The following MET variants were observed in gnomAD, a reference collection of about 807,000 sequenced individuals.
MET encodes the protein MET proto-oncogene, receptor tyrosine kinase.
A neutral mutation model predicts 133.1 loss-of-function variants in MET; 48 were observed. The ratio of observed to expected loss-of-function variants is 0.36; its 90% CI spans 0.29 to 0.46. The LOEUF (loss-of-function observed/expected upper bound fraction) is 0.46. MET is among the 20% of genes least tolerant of loss of function. MET has a pLI of 1.00. For missense variants in MET, 1,442 were observed against 1,695.9 expected (o/e 0.85, Z 2.63); for synonymous variants, 628 against 616.5 (o/e 1.02, Z -0.28).
At chr7:116,744,290 G>GA (rs370397027) in intron 5 of MET, among the ~76,000 whole-genome samples, 10 of 151,558 alleles carry the variant, frequency 6.6e-5, no homozygotes, top group Admixed American at 4.6e-4. Context: ...TAAGAACCTT[G>GA]AAAAAAAAGC....
intron 5 of MET, among the ~76,000 whole-genome samples, chr7:116,750,908 A>C (rs1188991544): frequency 1.3e-5 from 2 of 152,262 alleles, no homozygotes; most frequent in Non-Finnish European, 2.9e-5. Flanking sequence ...GATCATTAAA[A>C]AGTCAGGAAA....
At chr7:116,726,178 T>TATATATATATAC (rs1562900129) in intron 2 of MET, among the ~76,000 whole-genome samples, 1 of 3,592 alleles carries the variant, frequency 2.8e-4, no homozygotes, top group African/African-American at 7.5e-4. Flanking sequence ...TATATATATA[T>TATATATATATAC]GGGATATAAA....
chr7:116,777,492 A>G (rs1453963656), intron 16 of MET, 23 bp downstream of exon 16: 1 of 1,608,294 alleles, frequency 6.2e-7, no homozygotes, highest in Non-Finnish European at 8.5e-7. Context: ...TTATTTAACC[A>G]TGGAGTATAC....
intron 1 of MET, among the ~76,000 whole-genome samples, chr7:116,675,129 C>A (rs138854086): frequency 6.6e-6 from 1 of 152,236 alleles, no homozygotes; most frequent in Non-Finnish European, 1.5e-5. Context: ...GATACACTGA[C>A]TAATGTTAGT....
At chr7:116,690,986 G>C (rs1347387694) in intron 1 of MET, among the ~76,000 whole-genome samples, 1 of 152,146 alleles carries the variant, frequency 6.6e-6, no homozygotes, top group Admixed American at 6.5e-5. Flanking sequence ...TACTTTTAAA[G>C]TTAATAAACA....
intron 11 of MET, among the ~76,000 whole-genome samples, chr7:116,767,024 C>A (rs927948686): frequency 6.6e-6 from 1 of 152,066 alleles, no homozygotes; most frequent in East Asian, 1.9e-4. Flanking sequence ...GTAAATCTCA[C>A]CCCCTCACCA....
chr7:116,787,073 G>A (rs1795337184), intron 19 of MET, among the ~76,000 whole-genome samples: 1 of 152,208 alleles, frequency 6.6e-6, no homozygotes, highest in African/African-American at 2.4e-5. Flanking sequence ...ATAGGTCATG[G>A]TGGAGGACCA....
intron 1 of MET, among the ~76,000 whole-genome samples, chr7:116,676,568 A>G (rs1796166232): frequency 6.6e-6 from 1 of 152,232 alleles, no homozygotes; most frequent in Admixed American, 6.5e-5. Flanking sequence ...TCAGGTGATG[A>G]TAATAGCTTC....
At chr7:116,742,544 C>T (rs1225062422) in intron 5 of MET, among the ~76,000 whole-genome samples, 1 of 152,152 alleles carries the variant, frequency 6.6e-6, no homozygotes, top group Non-Finnish European at 1.5e-5. Flanking sequence ...AATAACCAAG[C>T]TGGTATTTTA....
In MET at chr7:116,777,449, G is replaced by C. The variant is rs2117040269; in HGVS notation, c.3320G>C (p.Cys1107Ser). The C allele has an allele frequency of 6.2e-7, 1 of 1,613,866 alleles. No homozygotes were observed. Among genetic ancestry groups the C allele is most frequent in the Non-Finnish European group, 8.5e-7 (1 of 1,179,848 alleles). Residue 1107 changes from cysteine (C) to serine (S), a missense_variant, in exon 16 of 21, where the codon TGT becomes TCT. By Grantham distance (112) the Cys-to-Ser change is moderately radical. Coordinates refer to ENST00000397752, the MANE Select transcript of MET (RefSeq NM_000245.4). ...GACAATGATGGCAAGAAAATTCACT[G>C]TGCTGTGAAATCCTTGAACAGTAAG... ...LLDNDGKKIH[C>S]AVKSLNRITD...
intron 1 of MET, among the ~76,000 whole-genome samples, chr7:116,698,038 T>C (rs192447663): frequency 1.3e-5 from 2 of 152,198 alleles, no homozygotes; most frequent in Admixed American, 1.3e-4. Flanking sequence ...TGATGCCTAG[T>C]ATGTTTTTAG....
intron 2 of MET, among the ~76,000 whole-genome samples, chr7:116,722,329 G>C (rs910305969): frequency 6.6e-6 from 1 of 151,040 alleles, no homozygotes; most frequent in Admixed American, 6.6e-5. Flanking sequence ...TTTTCCATTT[G>C]CTTGGTAGCT....
At chr7:116,769,611 T>C (rs763901969) in intron 11 of MET, 34 bp from the exon 12 acceptor site, 2 of 1,602,880 alleles carry the variant, frequency 1.2e-6, no homozygotes, top group East Asian at 2.2e-5. Context: ...AACTGTGAAG[T>C]GTTAACAACC....
intron 12 of MET, 151 bp downstream of exon 12, chr7:116,769,942 G>C: frequency 8.4e-7 from 1 of 1,188,570 alleles, no homozygotes; most frequent in Non-Finnish European, 1.2e-6. Context: ...TTTAGAAATA[G>C]TGAGCTTTTT....
At position 116,758,444 on chromosome 7, in the gene MET, A is replaced by T. The variant is rs1471890312; in HGVS notation, c.2103-15A>T. On this transcript the variant is annotated splice_polypyrimidine_tract_variant and intron_variant, in intron 8 of 20. Coordinates refer to ENST00000397752, the MANE Select transcript of MET (RefSeq NM_000245.4). ...CTAATAGCTAAAATTCACTTCCTTA[A>T]TTTTTTTTGTTCAGTGTGTCAAACA... 21 of 1,611,112 alleles carry T rather than the reference A, an allele frequency of 1.3e-5. No individual in the cohort carries two copies. Among genetic ancestry groups the T allele is most frequent in the Non-Finnish European group, 1.6e-5 (19 of 1,177,830 alleles).
chr7:116,678,652 G>A (rs1427015348), intron 1 of MET, among the ~76,000 whole-genome samples: 1 of 152,164 alleles, frequency 6.6e-6, no homozygotes, highest in Non-Finnish European at 1.5e-5. Context: ...GGAAAACCCA[G>A]CCAAGGTTTG....
rs144625154 is a variant in MET, at chr7:116,766,001, T to C, written c.2583+2733T>C. ...CTTATATTAACTCTCATTTAATGTA[T>C]ACTAAAATACCATTATAGAGACACT... On this transcript the variant is annotated intron_variant, in intron 11 of 20. Transcript: ENST00000397752. Among the ~76,000 whole-genome samples, 19 of 152,380 alleles carry C rather than the reference T, an allele frequency of 1.2e-4. No individual in the cohort carries two copies. In the East Asian group the frequency reaches 3.7e-3, roughly 29 times the overall value.
At chr7:116,789,568 C>G (rs1188963992) in intron 19 of MET, among the ~76,000 whole-genome samples, 2 of 152,190 alleles carry the variant, frequency 1.3e-5, no homozygotes, top group Non-Finnish European at 2.9e-5. Flanking sequence ...AACCTCTACC[C>G]TATCCCCAGG....
intron 2 of MET, among the ~76,000 whole-genome samples, chr7:116,722,427 C>T (rs1398002795): frequency 6.6e-6 from 1 of 150,696 alleles, no homozygotes; most frequent in Non-Finnish European, 1.5e-5. Flanking sequence ...GGTCTTGACT[C>T]TTTATCCAAT....
Sources: gnomAD v4.1 joint callset for allele counts (sites outside exome capture counted in the v4.1 genomes callset) on GRCh38, gnomAD v4.1.1 for gene constraint, MANE v1.5 for transcripts, NCBI Gene and HGNC (gene_info 2026-07-23, HGNC 2026-07-21) for gene names.